MGMT: variants seen among roughly 807,000 people sequenced by gnomAD.
The protein encoded by MGMT is methylated-DNA--protein-cysteine methyltransferase.
In MGMT, 14 loss-of-function variants were observed where a neutral mutation model predicts 15.9. The ratio of observed to expected loss-of-function variants is 0.88; its 90% CI spans 0.58 to 1.37. The LOEUF (loss-of-function observed/expected upper bound fraction) is 1.37. Ranked by LOEUF, MGMT falls within the 40% of genes most tolerant of loss-of-function variation. The pLI is 0.00. For missense variants in MGMT, 282 were observed against 268.1 expected (o/e 1.05, Z -0.36); for synonymous variants, 130 against 118.2 (o/e 1.10, Z -0.65).
At chr10:129,701,380 A>G (rs1848097824) in intron 2 of MGMT, 2 of 152,200 alleles carry the variant, frequency 1.3e-5, no homozygotes, top group African/African-American at 4.8e-5. Flanking sequence ...GGAGTGTCCC[A>G]CGGTCAGCCC....
intron 1 of MGMT, among the ~76,000 whole-genome samples, chr10:129,494,993 G>A (rs957332951): frequency 6.6e-5 from 10 of 152,150 alleles, no homozygotes; most frequent in African/African-American, 1.9e-4. Context: ...AGGCTGAAGC[G>A]GAGAAGAATA....
At chr10:129,723,607 A>G (rs1848399769) in intron 3 of MGMT, among the ~76,000 whole-genome samples, 1 of 152,254 alleles carries the variant, frequency 6.6e-6, no homozygotes, top group Admixed American at 6.5e-5. Flanking sequence ...AGGCCACAGA[A>G]TGAGAGAAAT....
intron 2 of MGMT, among the ~76,000 whole-genome samples, chr10:129,628,653 C>T (rs1478266927): frequency 3.3e-5 from 5 of 152,140 alleles, no homozygotes; most frequent in South Asian, 2.1e-4. Context: ...CAGTTCGTGT[C>T]GATGAAGGAG....
intron 2 of MGMT, among the ~76,000 whole-genome samples, chr10:129,689,146 T>C (rs1383584068): frequency 1.3e-5 from 2 of 152,164 alleles, no homozygotes; most frequent in Non-Finnish European, 2.9e-5. Context: ...CCCAGGTTTG[T>C]CTCAAATTCC....
At chr10:129,496,808 T>C (rs983632853) in intron 1 of MGMT, among the ~76,000 whole-genome samples, 14 of 152,224 alleles carry the variant, frequency 9.2e-5, no homozygotes, top group African/African-American at 3.1e-4. Context: ...TACTACACTT[T>C]AAAAGGGATC....
chr10:129,763,278 C>A lies in MGMT; in HGVS notation c.415-3510C>A, dbSNP rs79672750. ...AGGAGAGGGCATAGAGGGTACAGATCCTTTGAAAATGTCCTTAGGGCCCCA... is the reference window on the plus strand; with the variant it reads ...AGGAGAGGGCATAGAGGGTACAGATACTTTGAAAATGTCCTTAGGGCCCCA... On this transcript the variant is annotated intron_variant, in intron 4 of 4. Transcript: ENST00000651593. 8.5e-3 allele frequency among the ~76,000 whole-genome samples: 1,296 copies of A among 152,266 alleles called. 22 individuals carry two copies. The highest frequency in any genetic ancestry group is 0.03 in the African/African-American group (1,243 of 41,538).
chr10:129,676,536 G>A (rs879384541), intron 2 of MGMT, among the ~76,000 whole-genome samples: 5 of 152,234 alleles, frequency 3.3e-5, no homozygotes, highest in East Asian at 1.9e-4. Context: ...GCAAGACGAC[G>A]TGTTTGCAGG....
intron 4 of MGMT, among the ~76,000 whole-genome samples, chr10:129,760,261 G>C (rs1052968534): frequency 6.6e-6 from 1 of 152,240 alleles, no homozygotes. Flanking sequence ...GTGTGTGTGG[G>C]GGCAGAAAGG....
chr10:129,624,101 C>T (rs572276804), intron 2 of MGMT, among the ~76,000 whole-genome samples: 4 of 152,368 alleles, frequency 2.6e-5, no homozygotes, highest in East Asian at 3.9e-4. Flanking sequence ...AGCGCCTGCG[C>T]GAATCTTCTT....
At chr10:129,542,923 T>C (rs1846059388) in intron 2 of MGMT, among the ~76,000 whole-genome samples, 1 of 152,206 alleles carries the variant, frequency 6.6e-6, no homozygotes, top group Non-Finnish European at 1.5e-5. Context: ...TCTTGTGACT[T>C]ATGTTATCAA....
intron 1 of MGMT, among the ~76,000 whole-genome samples, chr10:129,504,922 G>A (rs1470872108): frequency 6.9e-6 from 1 of 145,340 alleles, no homozygotes; most frequent in African/African-American, 2.8e-5. Flanking sequence ...TTGTGTGAAT[G>A]TGGTAGGGTT....
In MGMT at chr10:129,618,269, GT is replaced by G. The variant is rs1847051574; in HGVS notation, c.125+81893del. Among the ~76,000 whole-genome samples, 4 of 152,230 alleles carry G rather than the reference GT, an allele frequency of 2.6e-5. No homozygotes were observed. The South Asian group carries it at 8.3e-4, about 32-fold the overall frequency. Reference sequence around the variant, plus strand: ...TAATTTCAGCTGATCAAAGTTTAGAGTGCTGGCAAGTGCCAAGCCTTACGAT... The same window carrying G: ...TAATTTCAGCTGATCAAAGTTTAGAGGCTGGCAAGTGCCAAGCCTTACGAT... On this transcript the variant is annotated intron_variant, in intron 2 of 4. Coordinates refer to ENST00000651593, the MANE Select transcript of MGMT (RefSeq NM_002412.5).
chr10:129,622,781 T>C (rs942463369), intron 2 of MGMT, among the ~76,000 whole-genome samples: 4 of 151,294 alleles, frequency 2.6e-5, no homozygotes, highest in Admixed American at 2.6e-4. Context: ...TGACTTTCAA[T>C]AAATGGCCTG....
At chr10:129,537,119 T>G (rs2119761294) in intron 2 of MGMT, 1 of 151,120 alleles carries the variant, frequency 6.6e-6, no homozygotes, top group Admixed American at 6.6e-5. Context: ...CTATTAAAAT[T>G]GTAGCTCTTG....
At chr10:129,596,518 T>A (rs988572785) in intron 2 of MGMT, among the ~76,000 whole-genome samples, 1 of 152,146 alleles carries the variant, frequency 6.6e-6, no homozygotes, top group African/African-American at 2.4e-5. Context: ...CATGAGCTTG[T>A]GTGCACCGAG....
chr10:129,485,053 A>C (rs1393915323), intron 1 of MGMT, among the ~76,000 whole-genome samples: 1 of 152,094 alleles, frequency 6.6e-6, no homozygotes, highest in East Asian at 1.9e-4. Context: ...TTGTATTAGG[A>C]GATCTTTCCA....
intron 1 of MGMT, among the ~76,000 whole-genome samples, chr10:129,517,207 G>A (rs1249341791): frequency 1.3e-5 from 2 of 152,238 alleles, no homozygotes; most frequent in Non-Finnish European, 2.9e-5. Flanking sequence ...CCTGGACAGC[G>A]AGGGGCAGTC....
chr10:129,676,335 G>C (rs1847785777), intron 2 of MGMT, among the ~76,000 whole-genome samples: 1 of 152,206 alleles, frequency 6.6e-6, no homozygotes, highest in Admixed American at 6.5e-5. Flanking sequence ...GCACCCACCA[G>C]TTCCTTCTGT....
In MGMT at chr10:129,467,725, C is replaced by T. The variant is rs993809149; in HGVS notation, c.-13+429C>T. Among the ~76,000 whole-genome samples the T allele has an allele frequency of 3.3e-5, 5 of 152,210 alleles. No individual in the cohort carries two copies. The East Asian group carries it at 9.6e-4, about 29-fold the overall frequency. Reference sequence around the variant, plus strand: ...ATACTTAGGCAGAGTCCCATATTTCCTTCCTGCTGGAGGCCAAGTTCTAGG... The same window carrying T: ...ATACTTAGGCAGAGTCCCATATTTCTTTCCTGCTGGAGGCCAAGTTCTAGG... On this transcript the variant is annotated intron_variant, in intron 1 of 4. Transcript: ENST00000651593.
Sources: gnomAD v4.1 joint callset for allele counts (sites outside exome capture counted in the v4.1 genomes callset) on GRCh38, gnomAD v4.1.1 for gene constraint, MANE v1.5 for transcripts, NCBI Gene and HGNC (gene_info 2026-07-23, HGNC 2026-07-21) for gene names.